The following ZNF385D variants were observed in gnomAD, a reference collection of about 807,000 sequenced individuals.
The protein encoded by ZNF385D is zinc finger protein 659.
A neutral mutation model predicts 35.8 loss-of-function variants in ZNF385D; 15 were observed. That is an observed-to-expected ratio of 0.42 (90% CI 0.28 to 0.64). The LOEUF (loss-of-function observed/expected upper bound fraction) is 0.64. Ranked by LOEUF, ZNF385D falls within the 30% of genes least tolerant of loss-of-function variation. ZNF385D has a pLI of 0.23. For missense variants in ZNF385D, 474 were observed against 494.6 expected (o/e 0.96, Z 0.39); for synonymous variants, 212 against 186.8 (o/e 1.13, Z -1.10).
chr3:22,222,850 G>A (rs536734772), intron 2 of ZNF385D, among the ~76,000 whole-genome samples: 3 of 152,172 alleles, frequency 2.0e-5, no homozygotes, highest in South Asian at 2.1e-4. Flanking sequence ...AGAACCACGA[G>A]TCTTTTTTAA....
intron 2 of ZNF385D, among the ~76,000 whole-genome samples, chr3:22,261,493 T>C (rs189665397): frequency 1.3e-5 from 2 of 152,034 alleles, no homozygotes; most frequent in East Asian, 3.9e-4. Flanking sequence ...TAGTATATTG[T>C]AAAAATGTAG....
chr3:21,655,245 A>G (rs1412518211), intron 2 of ZNF385D, among the ~76,000 whole-genome samples: 1 of 152,052 alleles, frequency 6.6e-6, no homozygotes, highest in Non-Finnish European at 1.5e-5. Flanking sequence ...TAGAAGGTCA[A>G]TATGATTATT....
chr3:21,522,148 G>GA (rs975371577), intron 3 of ZNF385D, among the ~76,000 whole-genome samples: 7 of 152,074 alleles, frequency 4.6e-5, no homozygotes, highest in East Asian at 3.9e-4. Flanking sequence ...GGAGAAAAAA[G>GA]AAAAAAATGT....
intron 3 of ZNF385D, among the ~76,000 whole-genome samples, chr3:21,983,042 T>A (rs1694577341): frequency 6.6e-6 from 1 of 152,036 alleles, no homozygotes; most frequent in Non-Finnish European, 1.5e-5. Flanking sequence ...GATATTGGGC[T>A]GAAGTTTTCT....
intron 2 of ZNF385D, among the ~76,000 whole-genome samples, chr3:21,587,054 C>A (rs998779030): frequency 2.0e-5 from 3 of 151,882 alleles, no homozygotes; most frequent in Admixed American, 2.0e-4. Flanking sequence ...TGTCAGTAAA[C>A]GTTTAAAATT....
chr3:22,114,093 C>T (rs1460516903), intron 3 of ZNF385D, among the ~76,000 whole-genome samples: 1 of 152,000 alleles, frequency 6.6e-6, no homozygotes, highest in Non-Finnish European at 1.5e-5. Context: ...ATCATATGCA[C>T]TACGACCATT....
intron 2 of ZNF385D, among the ~76,000 whole-genome samples, chr3:22,186,647 T>A (rs58475383): frequency 0.027 from 4,186 of 152,230 alleles, 67 homozygotes; most frequent in Middle Eastern, 0.041. Context: ...GTCATAAGAA[T>A]TTGATATATT....
At chr3:22,148,001 C>T (rs987809321) in intron 3 of ZNF385D, among the ~76,000 whole-genome samples, 3 of 152,100 alleles carry the variant, frequency 2.0e-5, no homozygotes, top group African/African-American at 7.2e-5. Flanking sequence ...TACTTCATTT[C>T]TGGGATAATT....
rs1321447322 is a variant in ZNF385D, at chr3:21,925,034, A to T, written c.325+243783T>A. On this transcript the variant is annotated intron_variant, in intron 3 of 5. Coordinates refer to the ZNF385D transcript ENST00000494108. The stretch of plus-strand genomic sequence containing the variant: ...AGAAAAATAAGTGGAGGTACATACC[A>T]TGTTCATGGTTTGGAAGAACACAGT... 2.0e-5 allele frequency among the ~76,000 whole-genome samples: 3 copies of T among 152,216 alleles called. No homozygotes were observed. In the East Asian group the frequency reaches 5.8e-4, roughly 29 times the overall value.
intron 2 of ZNF385D, among the ~76,000 whole-genome samples, chr3:21,642,795 A>T (rs1303195181): frequency 6.6e-6 from 1 of 152,184 alleles, no homozygotes; most frequent in East Asian, 1.9e-4. Flanking sequence ...GACACAGGCC[A>T]CAAAATGGGT....
intron 1 of ZNF385D, among the ~76,000 whole-genome samples, chr3:21,716,538 A>G (rs908994379): frequency 3.3e-5 from 5 of 151,948 alleles, no homozygotes; most frequent in African/African-American, 1.2e-4. Flanking sequence ...ACTATGAATA[A>G]CCTGTGCCTG....
chr3:21,576,506 T>C (rs946895236), intron 2 of ZNF385D, among the ~76,000 whole-genome samples: 1 of 152,222 alleles, frequency 6.6e-6, no homozygotes, highest in African/African-American at 2.4e-5. Flanking sequence ...TGGGATCCTA[T>C]TGTGGAATAC....
At chr3:21,561,692 G>A (rs1028118923) in intron 3 of ZNF385D, among the ~76,000 whole-genome samples, 6 of 152,172 alleles carry the variant, frequency 3.9e-5, no homozygotes, top group African/African-American at 1.4e-4. Flanking sequence ...GTGGGAGATT[G>A]GGGAATGTCC....
chr3:21,443,155 A>G (rs990531764), intron 4 of ZNF385D: 1 of 985,184 alleles, frequency 1.0e-6, no homozygotes, highest in Non-Finnish European at 1.2e-6. Flanking sequence ...CAAGTGCTCC[A>G]CTCCACTTTG....
In ZNF385D at chr3:21,420,382, T is replaced by C. The variant is rs551415447; in HGVS notation, c.*832A>G. 6.6e-6 allele frequency: 1 copy of C among 152,338 alleles called. No homozygotes were observed. The highest frequency in any genetic ancestry group is 2.1e-4 in the South Asian group (1 of 4,830). 9.4% of individuals were successfully genotyped at this position (152,338 alleles called of 1,614,324 possible). A position where few individuals can be genotyped will look rare whatever the true frequency, so the allele number is the denominator to read the frequency against. The stretch of plus-strand genomic sequence containing the variant: ...ATGCATGGGTTTCTCTGCTTTCAGA[T>C]ATAGGTTCATTATAAACACTTCCCT... On this transcript the variant is annotated 3_prime_UTR_variant, in exon 8 of 8. Coordinates refer to ENST00000281523, the MANE Select transcript of ZNF385D (RefSeq NM_024697.3).
At chr3:22,282,359 A>C (rs537406416) in intron 2 of ZNF385D, among the ~76,000 whole-genome samples, 1 of 152,016 alleles carries the variant, frequency 6.6e-6, no homozygotes. Flanking sequence ...TTTTTGATGT[A>C]AACATTTAAC....
At chr3:21,752,414 C>A (rs959902683), upstream of ZNF385D, among the ~76,000 whole-genome samples, 11 of 151,940 alleles carry the variant, frequency 7.2e-5, no homozygotes, top group African/African-American at 2.7e-4. Context: ...GCAAAGATTT[C>A]TACATTTTGA....
At chr3:22,231,965 T>C (rs1245371685) in intron 2 of ZNF385D, among the ~76,000 whole-genome samples, 15 of 152,164 alleles carry the variant, frequency 9.9e-5, no homozygotes, top group Non-Finnish European at 2.1e-4. Context: ...CGTGCCTCCT[T>C]CCCCTTTGCC....
intron 3 of ZNF385D, among the ~76,000 whole-genome samples, chr3:22,152,430 T>C (rs750786033): frequency 2.0e-5 from 3 of 152,134 alleles, no homozygotes; most frequent in Non-Finnish European, 2.9e-5. Context: ...TATCATACAG[T>C]TCTGAGGTCA....
Sources: gnomAD v4.1 joint callset for allele counts (sites outside exome capture counted in the v4.1 genomes callset) on GRCh38, gnomAD v4.1.1 for gene constraint, MANE v1.5 for transcripts, NCBI Gene and HGNC (gene_info 2026-07-23, HGNC 2026-07-21) for gene names.